Variants in CNNM2 observed in about 807,000 individuals in gnomAD.
CNNM2 encodes cyclin and CBS domain divalent metal cation transport mediator 2, also known as metal transporter CNNM2.
A neutral mutation model predicts 66.9 loss-of-function variants in CNNM2; 12 were observed. That is an observed-to-expected ratio of 0.18 (90% CI 0.11 to 0.29). CNNM2 has a LOEUF of 0.29. Among genes scored for constraint, CNNM2 ranks in the 10% least tolerant of loss-of-function variants. CNNM2 has a pLI of 1.00. For missense variants in CNNM2, 705 were observed against 1,167.7 expected, an observed-to-expected ratio of 0.60 and a Z score of 5.77; for synonymous variants, 557 against 501.8, an observed-to-expected ratio of 1.11 and a Z score of -1.47.
chr10:102,957,001 T>G (rs188205735), intron 1 of CNNM2, among the ~76,000 whole-genome samples: 1 of 152,202 alleles, frequency 6.6e-6, no homozygotes, highest in East Asian at 1.9e-4. Flanking sequence ...ATAATTTTTT[T>G]AAAAAAGATG....
chr10:102,973,502 C>CTGTG (rs533098295), intron 1 of CNNM2, among the ~76,000 whole-genome samples: 1 of 149,250 alleles, frequency 6.7e-6, no homozygotes, highest in Non-Finnish European at 1.5e-5. Context: ...TGCTAATTTT[C>CTGTG]TGTGTGTGTG....
chr10:102,963,417 A>G (rs2063414705), intron 1 of CNNM2, among the ~76,000 whole-genome samples: 1 of 152,262 alleles, frequency 6.6e-6, no homozygotes. Flanking sequence ...TTTAAGAATG[A>G]CTTTCCTCCA....
At chr10:102,927,647 C>T (rs1176671776) in intron 1 of CNNM2, 3 of 436,324 alleles carry the variant, frequency 6.9e-6, no homozygotes, top group African/African-American at 2.0e-5. Context: ...TGCTTGAATT[C>T]CCAGCTTCTT....
chr10:103,030,052 G>C (rs1025740793), intron 1 of CNNM2, among the ~76,000 whole-genome samples: 3 of 151,810 alleles, frequency 2.0e-5, no homozygotes, highest in African/African-American at 7.3e-5. Context: ...GGGAGAATAA[G>C]AGTAAAGAAG....
chr10:102,956,825 TG>T (rs1331779962), intron 1 of CNNM2, among the ~76,000 whole-genome samples: 1 of 150,922 alleles, frequency 6.6e-6, no homozygotes, highest in East Asian at 2.0e-4. Context: ...TGTCATGTGG[TG>T]GGGGGCAGGG....
intron 1 of CNNM2, among the ~76,000 whole-genome samples, chr10:102,935,758 A>G (rs370622314): frequency 8.9e-5 from 12 of 134,358 alleles, no homozygotes; most frequent in African/African-American, 3.1e-4. Flanking sequence ...TCACAGGCAC[A>G]CTCCACTGCA....
chr10:102,921,210 T>C (rs1488860829), intron 1 of CNNM2: 1 of 223,534 alleles, frequency 4.5e-6, no homozygotes, highest in Admixed American at 6.5e-5. Flanking sequence ...TTTTGAATTA[T>C]TAAGATGCTA....
Position 103,044,263 on chromosome 10 carries a change from A to C in CNNM2, c.1622-5444A>C, listed in dbSNP as rs535844359. Among the ~76,000 whole-genome samples, 82 of 152,232 alleles carry C rather than the reference A, an allele frequency of 5.4e-4. No homozygotes were observed. In the South Asian group the frequency reaches 0.01, roughly 19 times the overall value. ...AATTTTTCCAATGCTCAGGTTAAGA[A>C]AGGTCCTATTTGAGCTCGGTTTTGA... On this transcript the variant is annotated intron_variant, in intron 1 of 7. Coordinates refer to ENST00000369878, the MANE Select transcript of CNNM2 (RefSeq NM_017649.5).
chr10:103,034,845 A>G (rs2064900898), intron 1 of CNNM2, among the ~76,000 whole-genome samples: 1 of 151,930 alleles, frequency 6.6e-6, no homozygotes, highest in African/African-American at 2.4e-5. Context: ...GGGCGCCTGT[A>G]GTCCCAGCTA....
intron 1 of CNNM2, among the ~76,000 whole-genome samples, chr10:103,035,599 A>G (rs1290968366): frequency 6.6e-6 from 1 of 152,214 alleles, no homozygotes; most frequent in Non-Finnish European, 1.5e-5. Flanking sequence ...AGTCATTTGG[A>G]TGGGCCATTA....
chr10:103,088,693 T>G lies in CNNM2; in HGVS notation c.*11513T>G, dbSNP rs185262900. On this transcript the variant is annotated 3_prime_UTR_variant, in exon 8 of 8. Coordinates refer to ENST00000369878, the MANE Select transcript of CNNM2 (RefSeq NM_017649.5). ...TGAGCCGCCGTGCCTGGCCTTGACTTGAGATTCTGAAGTGAATTTATTCAC... is the reference window on the plus strand; with the variant it reads ...TGAGCCGCCGTGCCTGGCCTTGACTGGAGATTCTGAAGTGAATTTATTCAC... 208 of 175,184 alleles carry G rather than the reference T, an allele frequency of 1.2e-3. 1 individual carries two copies. The highest frequency in any genetic ancestry group is 4.4e-3 in the African/African-American group (188 of 42,314). The allele number at this position is 175,184 out of a possible 1,614,324, so 10.9% of individuals were successfully genotyped here.
intron 1 of CNNM2, among the ~76,000 whole-genome samples, chr10:103,037,460 C>CGAT (rs1026957461): frequency 7.9e-5 from 12 of 151,498 alleles, no homozygotes; most frequent in African/African-American, 2.9e-4. Context: ...AGAAAGCATA[C>CGAT]GATGGGAAAA....
At chr10:103,044,452 AG>A (rs989786061) in intron 1 of CNNM2, among the ~76,000 whole-genome samples, 33 of 151,990 alleles carry the variant, frequency 2.2e-4, no homozygotes, top group Non-Finnish European at 3.4e-4. Flanking sequence ...GCTGCTCAGG[AG>A]GCTGAGGTGG....
chr10:103,019,746 G>C (rs1430787550), intron 1 of CNNM2, among the ~76,000 whole-genome samples: 1 of 152,166 alleles, frequency 6.6e-6, no homozygotes, highest in African/African-American at 2.4e-5. Flanking sequence ...ATCTAACACA[G>C]AGGAATTTAA....
chr10:103,030,018 A>G (rs946567885), intron 1 of CNNM2, among the ~76,000 whole-genome samples: 2 of 152,188 alleles, frequency 1.3e-5, no homozygotes, highest in Admixed American at 6.5e-5. Flanking sequence ...CCAAGATGAG[A>G]TGATGCTTAC....
intron 1 of CNNM2, among the ~76,000 whole-genome samples, chr10:103,049,260 C>T (rs2065177955): frequency 2.6e-5 from 4 of 152,192 alleles, no homozygotes; most frequent in African/African-American, 9.6e-5. Context: ...GCTAAGGTGC[C>T]TTTTCACCAT....
At chr10:103,049,636 C>G in intron 1 of CNNM2, 71 bp from the exon 2 acceptor site, 1 of 1,401,364 alleles carries the variant, frequency 7.1e-7, no homozygotes, top group Non-Finnish European at 9.8e-7. Context: ...GGTGTTTTTA[C>G]CATATCACAT....
At chr10:102,930,351 G>T (rs1051651267) in intron 1 of CNNM2, among the ~76,000 whole-genome samples, 3 of 152,136 alleles carry the variant, frequency 2.0e-5, no homozygotes, top group African/African-American at 7.2e-5. Context: ...AGGGTGGGGT[G>T]ATCATAGCCA....
intron 2 of CNNM2, among the ~76,000 whole-genome samples, chr10:103,050,152 T>C (rs1396268357): frequency 6.6e-6 from 1 of 152,262 alleles, no homozygotes; most frequent in African/African-American, 2.4e-5. Context: ...TAAAAAAATC[T>C]CTACTAAAAT....
Sources: gnomAD v4.1 joint callset for allele counts (sites outside exome capture counted in the v4.1 genomes callset) on GRCh38, gnomAD v4.1.1 for gene constraint, MANE v1.5 for transcripts, NCBI Gene and HGNC (gene_info 2026-07-23, HGNC 2026-07-21) for gene names.